The following ZNF133 variants were observed in gnomAD, a reference collection of about 807,000 sequenced individuals.
The protein encoded by ZNF133 is zinc finger protein 133, also known as zinc finger protein 133 (clone pHZ-13).
Under a neutral mutation model 54.9 loss-of-function variants are expected in ZNF133, and 26 were observed. That is an observed-to-expected ratio of 0.47 (90% CI 0.35 to 0.66). ZNF133 has a LOEUF of 0.66. Ranked by LOEUF, ZNF133 falls within the 30% of genes least tolerant of loss-of-function variation. The pLI, the probability that ZNF133 is intolerant of heterozygous loss-of-function variation, is 0.01. For synonymous variants in ZNF133, 298 were observed against 320.3 expected (o/e 0.93, Z 0.74); for missense variants, 653 against 820.8 (o/e 0.80, Z 2.50).
intron 5 of ZNF133, 106 bp from the exon 6 acceptor site, chr20:18,306,192 A>G: frequency 9.4e-7 from 1 of 1,065,326 alleles, no homozygotes; most frequent in East Asian, 2.6e-5. Flanking sequence ...CTTCCAACTC[A>G]GGGCTTTGTA....
chr20:18,303,028 A>G (rs2043734598), intron 3 of ZNF133, among the ~76,000 whole-genome samples: 1 of 152,120 alleles, frequency 6.6e-6, no homozygotes, highest in East Asian at 1.9e-4. Flanking sequence ...AAGACATCAC[A>G]TGTTTGTAGA....
At chr20:18,311,307 A>G (rs2045886902) in intron 6 of ZNF133, among the ~76,000 whole-genome samples, 1 of 152,214 alleles carries the variant, frequency 6.6e-6, no homozygotes, top group Non-Finnish European at 1.5e-5. Flanking sequence ...CCACAGAGTG[A>G]GATCCTATCT....
intron 3 of ZNF133, among the ~76,000 whole-genome samples, chr20:18,300,034 C>T (rs945849806): frequency 6.6e-6 from 1 of 152,116 alleles, no homozygotes; most frequent in East Asian, 1.9e-4. Flanking sequence ...AAGGTTAATA[C>T]ACAGGTAGTA....
Position 18,305,314 on chromosome 20 carries a change from G to A in ZNF133, c.-7+136G>A. The A allele has an allele frequency of 1.9e-6, 1 of 536,832 alleles. No homozygotes were observed. Among genetic ancestry groups the A allele is most frequent in the Non-Finnish European group, 2.4e-6 (1 of 410,200 alleles). The allele number at this position is 536,832 out of a possible 1,614,324, so 33.3% of individuals were successfully genotyped here. A position where few individuals can be genotyped will look rare whatever the true frequency, so the allele number is the denominator to read the frequency against. ...AGCCGTAGGATTTTGAGGAATTACTGAGTTATAGTGGACTATTTGATCTTT... is the reference window on the plus strand; with the variant it reads ...AGCCGTAGGATTTTGAGGAATTACTAAGTTATAGTGGACTATTTGATCTTT... On this transcript the variant is annotated intron_variant, in intron 4 of 6. Coordinates refer to ENST00000425686, the MANE Select transcript of ZNF133 (RefSeq NM_001352452.2). The surrounding 1 kb of genome is among the most constrained non-coding windows in gnomAD (Gnocchi z 4.7).
Position 18,306,385 on chromosome 20 carries a change from C to G in ZNF133, c.209C>G (p.Thr70Ser). The change falls in exon 6 of 7, where the codon ACC becomes AGC. Residue 70 changes from threonine to serine, a missense_variant. Thr to Ser is a moderately conservative substitution (Grantham distance 58, BLOSUM62 1). Transcript: ENST00000425686. ...WREEKKCSPA[T>S]CPADPEPELY... ...GAGGAAAAAAAATGTTCACCGGCAACCTGTCCAGGTGAGTGGGAAAACACT... is the reference window on the plus strand; with the variant it reads ...GAGGAAAAAAAATGTTCACCGGCAAGCTGTCCAGGTGAGTGGGAAAACACT... 5.0e-6 allele frequency: 8 copies of G among 1,613,134 alleles called. No individual in the cohort carries two copies. The highest frequency in any genetic ancestry group is 6.8e-6 in the Non-Finnish European group (8 of 1,179,546).
At chr20:18,295,614 G>A (rs1361333319) in intron 1 of ZNF133, among the ~76,000 whole-genome samples, 1 of 151,766 alleles carries the variant, frequency 6.6e-6, no homozygotes, top group African/African-American at 2.4e-5. Context: ...CTTTCTTTTG[G>A]GTTACTTTAT....
intron 1 of ZNF133, among the ~76,000 whole-genome samples, chr20:18,292,122 C>G (rs2041186775): frequency 6.6e-6 from 1 of 152,208 alleles, no homozygotes; most frequent in South Asian, 2.1e-4. Context: ...CCTGCTGTTT[C>G]CACCATGGTC....
chr20:18,298,208 C>T (rs1001560447), intron 2 of ZNF133, 81 bp from the exon 3 acceptor site: 1 of 1,501,510 alleles, frequency 6.7e-7, no homozygotes, highest in East Asian at 2.5e-5. Context: ...TCTGCAAAAC[C>T]CATGACACAG....
At chr20:18,301,997 T>A (rs1223045950) in intron 3 of ZNF133, among the ~76,000 whole-genome samples, 2 of 151,990 alleles carry the variant, frequency 1.3e-5, no homozygotes, top group Non-Finnish European at 2.9e-5. Flanking sequence ...ATGCAAAAAA[T>A]TTCAACAAAA....
intron 1 of ZNF133, among the ~76,000 whole-genome samples, chr20:18,293,300 A>G (rs1009751572): frequency 2.6e-5 from 4 of 152,232 alleles, no homozygotes; most frequent in Admixed American, 2.6e-4. Flanking sequence ...AACATGCAAG[A>G]TGGTTCCGTC....
At position 18,315,841 on chromosome 20, in the gene ZNF133, A is replaced by G; in HGVS notation, c.990A>G (p.Glu330=). Residue 330 remains glutamate, a synonymous_variant, in exon 7 of 7, where the codon GAA becomes GAG. Transcript: ENST00000425686. ...GGGAAAAGCCTTACGTGTGCCGGGA[A>G]TGTGGCAAAGGCTTCAGCCAGAAGT... The part of the protein sequence containing the change: ...HSGEKPYVCR[E]CGKGFSQKSA... 6.2e-7 allele frequency: 1 copy of G among 1,607,904 alleles called. No homozygotes were observed. The highest frequency in any genetic ancestry group is 1.4e-5 in the African/African-American group (1 of 73,596).
intron 6 of ZNF133, chr20:18,310,348 G>C (rs1350077548): frequency 6.6e-7 from 1 of 1,512,858 alleles, no homozygotes; most frequent in Non-Finnish European, 8.8e-7. Context: ...CTATATTTGG[G>C]ACTTGGATTT....
At chr20:18,306,572 G>A (rs1336124309) in intron 6 of ZNF133, 179 bp downstream of exon 6, 9 of 856,092 alleles carry the variant, frequency 1.1e-5, no homozygotes, top group Non-Finnish European at 1.6e-5. Context: ...AGTATGGACG[G>A]GGCTTTCCTG....
At chr20:18,303,133 AC>A (rs1056954252) in intron 3 of ZNF133, among the ~76,000 whole-genome samples, 79 of 150,812 alleles carry the variant, frequency 5.2e-4, no homozygotes, top group African/African-American at 1.9e-3. Flanking sequence ...TGCAACCTCC[AC>A]CCCCCAGGTT....
Position 18,316,686 on chromosome 20 carries a change from G to C in ZNF133, c.1835G>C (p.Gly612Ala), listed in dbSNP as rs780947733. 1 of 1,614,194 alleles carries C rather than the reference G, an allele frequency of 6.2e-7. No homozygotes were observed. The highest frequency in any genetic ancestry group is 8.5e-7 in the Non-Finnish European group (1 of 1,180,044). The change falls in exon 7 of 7, where the codon GGG becomes GCG. Residue 612 changes from glycine to alanine, a missense_variant. Physicochemically the swap from Gly to Ala is moderately conservative, Grantham distance 60. Coordinates refer to ENST00000425686, the MANE Select transcript of ZNF133 (RefSeq NM_001352452.2). ...GEKPYVCKTC[G>A]RGFSLKSHLS... Reference sequence around the variant, plus strand: ...AAGCCATATGTGTGCAAGACGTGTGGGCGGGGCTTCAGCCTCAAGTCTCAC... The same window carrying C: ...AAGCCATATGTGTGCAAGACGTGTGCGCGGGGCTTCAGCCTCAAGTCTCAC...
At chr20:18,314,489 A>T (rs1164684954) in intron 6 of ZNF133, 1 of 152,234 alleles carries the variant, frequency 6.6e-6, no homozygotes, top group African/African-American at 2.4e-5. Context: ...ACTGCCTCCT[A>T]GAAATTCTGG....
chr20:18,301,209 A>T (rs766297277), intron 3 of ZNF133, among the ~76,000 whole-genome samples: 15 of 152,200 alleles, frequency 9.9e-5, no homozygotes, highest in Non-Finnish European at 1.6e-4. Context: ...CTACAAGGGA[A>T]ATTAGACCAT....
chr20:18,303,408 C>CT (rs1385098171), intron 3 of ZNF133, among the ~76,000 whole-genome samples: 1 of 152,036 alleles, frequency 6.6e-6, no homozygotes. Flanking sequence ...AATGTAATCC[C>CT]TATAAAAATA....
chr20:18,309,616 C>G (rs202025391), intron 6 of ZNF133, among the ~76,000 whole-genome samples: 12 of 152,188 alleles, frequency 7.9e-5, no homozygotes, highest in Admixed American at 1.3e-4. Context: ...GGAGTCTTAG[C>G]CAGAGGCTCA....
Sources: gnomAD v4.1 joint callset for allele counts (sites outside exome capture counted in the v4.1 genomes callset) on GRCh38, gnomAD v4.1.1 for gene constraint, Gnocchi (gnomAD v3.1) non-coding constraint, MANE v1.5 for transcripts, NCBI Gene and HGNC (gene_info 2026-07-23, HGNC 2026-07-21) for gene names.